CDK5RAP2: variants seen among roughly 807,000 people sequenced by gnomAD.
The protein encoded by CDK5RAP2 is CDK5 regulatory subunit-associated protein 2.
A neutral mutation model predicts 232.9 loss-of-function variants in CDK5RAP2; 147 were observed. That is an observed-to-expected ratio of 0.63 (90% CI 0.55 to 0.72). The LOEUF (loss-of-function observed/expected upper bound fraction) is 0.72, where lower values mean the gene tolerates loss of function less well. Ranked by LOEUF, CDK5RAP2 falls within the 30% of genes least tolerant of loss-of-function variation. The probability of loss-of-function intolerance (pLI) is 0.00; values close to 1 mark genes in which losing one functional copy is unlikely to be tolerated. For missense variants in CDK5RAP2, 2,195 were observed against 2,231.5 expected (o/e 0.98, Z 0.33); for synonymous variants, 833 against 833.7 (o/e 1.00, Z 0.01).
Position 120,422,675 on chromosome 9 carries a change from C to A in CDK5RAP2, c.4004+18G>T, listed in dbSNP as rs775988689. 6.2e-7 allele frequency: 1 copy of A among 1,602,690 alleles called. No individual in the cohort carries two copies. The highest frequency in any genetic ancestry group is 8.5e-7 in the Non-Finnish European group (1 of 1,169,596). Reference sequence around the variant, plus strand: ...AGAAAGTCCTGGGAAGTCTTCTTAACAAATGTTACACACTCACCTCTCCAT... The same window carrying A: ...AGAAAGTCCTGGGAAGTCTTCTTAAAAAATGTTACACACTCACCTCTCCAT... On this transcript the variant is annotated intron_variant, in intron 26 of 37. Transcript: ENST00000349780.
intron 25 of CDK5RAP2, among the ~76,000 whole-genome samples, chr9:120,430,685 A>C (rs200698463): frequency 0.031 from 4,705 of 150,702 alleles, 79 homozygotes; most frequent in African/African-American, 0.042. Flanking sequence ...TAGTTCAACC[A>C]TTGTGGAAGT....
intron 12 of CDK5RAP2, among the ~76,000 whole-genome samples, chr9:120,506,066 G>A (rs1026572342): frequency 6.6e-6 from 1 of 152,212 alleles, no homozygotes; most frequent in Non-Finnish European, 1.5e-5. Flanking sequence ...CATAGCTAAA[G>A]AGGAGCAGTC....
At chr9:120,558,371 CAAAAAAAAAAAAAAAA>C (rs60669308) in intron 3 of CDK5RAP2, among the ~76,000 whole-genome samples, 7 of 40,078 alleles carry the variant, frequency 1.7e-4, no homozygotes, top group South Asian at 3.2e-3. Context: ...GACTCCGTCT[CAAAAAAAAAAAAAAAA>C]AAAAAAAAAA....
At chr9:120,518,709 A>C in intron 11 of CDK5RAP2, 64 bp from the exon 12 acceptor site, 1 of 1,336,264 alleles carries the variant, frequency 7.5e-7, no homozygotes, top group Non-Finnish European at 1.1e-6. Flanking sequence ...AAACCAAGAA[A>C]CCTGGGCTCT....
intron 12 of CDK5RAP2, among the ~76,000 whole-genome samples, chr9:120,494,016 C>T (rs1327539344): frequency 2.0e-5 from 3 of 151,050 alleles, no homozygotes; most frequent in African/African-American, 7.3e-5. Context: ...CACTTGAATC[C>T]GAGAGGCAGA....
Position 120,439,621 on chromosome 9 carries a change from T to TC in CDK5RAP2, c.3499dup (p.Glu1167GlyfsTer29). 6.2e-7 allele frequency: 1 copy of TC among 1,614,138 alleles called. No homozygotes were observed. Among genetic ancestry groups the TC allele is most frequent in the South Asian group, 1.1e-5 (1 of 91,078 alleles). Reference sequence around the variant, plus strand: ...GTGCAAACTTGAAAAGGTCATTTCTTCCCCATCAGAACCATTCTTGGGCTT... The same window carrying TC: ...GTGCAAACTTGAAAAGGTCATTTCTTCCCCCATCAGAACCATTCTTGGGCTT... On this transcript the variant is annotated frameshift_variant, in exon 24 of 38. Transcript: ENST00000349780. LOFTEE classifies it high-confidence loss of function.
chr9:120,469,714 T>A (rs2037582865), intron 17 of CDK5RAP2, among the ~76,000 whole-genome samples: 1 of 152,190 alleles, frequency 6.6e-6, no homozygotes, highest in South Asian at 2.1e-4. Context: ...AAATAAGACA[T>A]AATCACTAAG....
chr9:120,469,455 G>C (rs1292785989), intron 17 of CDK5RAP2, among the ~76,000 whole-genome samples: 1 of 152,128 alleles, frequency 6.6e-6, no homozygotes, highest in Non-Finnish European at 1.5e-5. Context: ...ATTATTCCCA[G>C]ATAGAAACTG....
In CDK5RAP2 at chr9:120,409,247, T is replaced by G. The variant is rs765252631; in HGVS notation, c.4484A>C (p.Gln1495Pro). ...TTCCTTCACGCTGGCATACTCCCGC[T>G]GAAGGTGCTCCAGGCTCACGGTCTT... Reference protein sequence around the residue: ...SRKTVSLEHLQREYASVKEEN... With the variant: ...SRKTVSLEHLPREYASVKEEN... Residue 1495 changes from glutamine to proline, a missense_variant, in exon 30 of 38, where the codon CAG becomes CCG. Coordinates refer to ENST00000349780, the MANE Select transcript of CDK5RAP2 (RefSeq NM_018249.6). 1 of 1,614,092 alleles carries G rather than the reference T, an allele frequency of 6.2e-7. No homozygotes were observed. Among genetic ancestry groups the G allele is most frequent in the Non-Finnish European group, 8.5e-7 (1 of 1,179,990 alleles).
rs147140839 is a variant in CDK5RAP2 at position 120,514,372 on chromosome 9, G to GCA, written c.1311+4053_1311+4054dup. Among the ~76,000 whole-genome samples the GCA allele has an allele frequency of 2.3e-4, 34 of 151,038 alleles. No homozygotes were observed. The East Asian group carries it at 3.9e-3, about 17-fold the overall frequency. On this transcript the variant is annotated intron_variant, in intron 12 of 37. Coordinates refer to ENST00000349780, the MANE Select transcript of CDK5RAP2 (RefSeq NM_018249.6). Reference sequence around the variant, plus strand: ...AGGCTGCCAATGATGTTATACACACGCACACACACACACACCCTTCTGCCA... The same window carrying GCA: ...AGGCTGCCAATGATGTTATACACACGCACACACACACACACACCCTTCTGCCA...
intron 35 of CDK5RAP2, among the ~76,000 whole-genome samples, chr9:120,397,359 G>T (rs2032565195): frequency 6.6e-6 from 1 of 151,118 alleles, no homozygotes; most frequent in South Asian, 2.1e-4. Context: ...GAATCCAATT[G>T]TATCATCTAT....
intron 5 of CDK5RAP2, among the ~76,000 whole-genome samples, chr9:120,543,296 C>A (rs1356213449): frequency 6.6e-6 from 1 of 152,184 alleles, no homozygotes; most frequent in East Asian, 1.9e-4. Flanking sequence ...CACTTTCCAC[C>A]CAGCATCCAG....
intron 29 of CDK5RAP2, 136 bp downstream of exon 29, chr9:120,411,222 G>A (rs906611434): frequency 2.1e-5 from 15 of 724,926 alleles, no homozygotes; most frequent in Non-Finnish European, 3.8e-5. Flanking sequence ...GGGCTGCTGT[G>A]ACAATTAAAT....
chr9:120,396,022 C>T (rs892587108), intron 35 of CDK5RAP2, among the ~76,000 whole-genome samples: 1 of 152,226 alleles, frequency 6.6e-6, no homozygotes, highest in African/African-American at 2.4e-5. Flanking sequence ...AGATGTGAAA[C>T]TCCAATCAGC....
intron 12 of CDK5RAP2, among the ~76,000 whole-genome samples, 179 bp downstream of exon 12, chr9:120,518,248 G>A (rs2040451881): frequency 7.3e-6 from 1 of 137,032 alleles, no homozygotes. Flanking sequence ...AGAGAGCGAG[G>A]AGAATAAAAG....
rs562529948 is a variant in CDK5RAP2 at position 120,508,451 on chromosome 9, C to T, written c.1311+9976G>A. Reference sequence around the variant, plus strand: ...ATGCTGGGGGAAAAAAACTTAGAGGCCACCAGAATGAAACAGTCCTTGGCA... The same window carrying T: ...ATGCTGGGGGAAAAAAACTTAGAGGTCACCAGAATGAAACAGTCCTTGGCA... On this transcript the variant is annotated intron_variant, in intron 12 of 37. Transcript: ENST00000349780. Among the ~76,000 whole-genome samples, 2 of 152,304 alleles carry T rather than the reference C, an allele frequency of 1.3e-5. 1 individual carries two copies. Among genetic ancestry groups the T allele is most frequent in the African/African-American group, 4.8e-5 (2 of 41,576 alleles).
intron 18 of CDK5RAP2, among the ~76,000 whole-genome samples, chr9:120,467,009 C>G (rs1478891442): frequency 2.0e-5 from 3 of 152,164 alleles, no homozygotes; most frequent in Non-Finnish European, 4.4e-5. Flanking sequence ...CTAACATGCG[C>G]ATGAAGCAAG....
intron 18 of CDK5RAP2, among the ~76,000 whole-genome samples, chr9:120,466,668 G>T (rs1199650734): frequency 1.3e-5 from 2 of 152,184 alleles, no homozygotes; most frequent in Non-Finnish European, 2.9e-5. Context: ...ATGGATCGCA[G>T]ATATTCTTGG....
chr9:120,455,669 G>A (rs148001612), intron 20 of CDK5RAP2, among the ~76,000 whole-genome samples: 115 of 152,052 alleles, frequency 7.6e-4, no homozygotes, highest in Middle Eastern at 6.8e-3. Flanking sequence ...CTTGAACCCA[G>A]GAGGCTGCAG....
Sources: allele counts gnomAD v4.1 joint callset (sites outside exome capture counted in the v4.1 genomes callset), GRCh38; gene constraint gnomAD v4.1.1; transcripts MANE v1.5; gene names NCBI Gene and HGNC (gene_info 2026-07-23, HGNC 2026-07-21).